Variants in TMPRSS11E observed in about 807,000 individuals in gnomAD.
TMPRSS11E encodes the protein transmembrane protease serine 11E.
In TMPRSS11E, 38 loss-of-function variants were observed where a neutral mutation model predicts 48.1. The ratio of observed to expected loss-of-function variants is 0.79; its 90% CI spans 0.61 to 1.04. TMPRSS11E has a LOEUF of 1.04. Among genes scored for constraint, TMPRSS11E ranks in the 50% least tolerant of loss-of-function variants. The pLI, the probability that TMPRSS11E is intolerant of heterozygous loss-of-function variation, is 0.00. For missense variants in TMPRSS11E, 530 were observed against 510.8 expected, an observed-to-expected ratio of 1.04 and a Z score of -0.36; for synonymous variants, 158 against 171.9, an observed-to-expected ratio of 0.92 and a Z score of 0.63.
chr4:68,485,343 T>A (rs2603169), intron 9 of TMPRSS11E, among the ~76,000 whole-genome samples: 8 of 151,734 alleles, frequency 5.3e-5, no homozygotes, highest in African/African-American at 1.7e-4. Context: ...GATGGGGTTT[T>A]GCCATGTTGG....
intron 1 of TMPRSS11E, among the ~76,000 whole-genome samples, chr4:68,454,355 G>T (rs1211496337): frequency 6.6e-6 from 1 of 151,742 alleles, no homozygotes; most frequent in Admixed American, 6.6e-5. Flanking sequence ...AATTTTTATG[G>T]TATTAATTTG....
intron 1 of TMPRSS11E, among the ~76,000 whole-genome samples, 197 bp from the exon 2 acceptor site, chr4:68,461,624 A>T (rs1379585914): frequency 6.6e-6 from 1 of 152,180 alleles, no homozygotes; most frequent in Non-Finnish European, 1.5e-5. Context: ...CAAGCACAAA[A>T]GTCAAACTAC....
At position 68,456,322 on chromosome 4, in the gene TMPRSS11E, T is replaced by C. The variant is rs554552720; in HGVS notation, c.12-5499T>C. Among the ~76,000 whole-genome samples, 4 of 152,154 alleles carry C rather than the reference T, an allele frequency of 2.6e-5. No homozygotes were observed. In the East Asian group the frequency reaches 5.8e-4, roughly 22 times the overall value. On this transcript the variant is annotated intron_variant, in intron 1 of 9. Transcript: ENST00000305363. ...TAGCCGTAATTATTATGGTAGGGAA[T>C]GCAAACATTGTGATTCAGCCCAAGC...
chr4:68,477,676 T>A (rs774205695), intron 8 of TMPRSS11E, 48 bp downstream of exon 8: 2 of 1,599,564 alleles, frequency 1.3e-6, no homozygotes, highest in African/African-American at 2.7e-5. Context: ...TGGTATTTTA[T>A]GGCATTTAAG....
At chr4:68,457,182 C>T (rs1578132237) in intron 1 of TMPRSS11E, among the ~76,000 whole-genome samples, 1 of 152,188 alleles carries the variant, frequency 6.6e-6, no homozygotes, top group Non-Finnish European at 1.5e-5. Flanking sequence ...TATGCAGAAT[C>T]TACAAAGAAC....
intron 1 of TMPRSS11E, among the ~76,000 whole-genome samples, chr4:68,450,287 T>C (rs1728459520): frequency 6.6e-6 from 1 of 151,946 alleles, no homozygotes. Flanking sequence ...CTATATATTG[T>C]GTATTTTATA....
intron 1 of TMPRSS11E, among the ~76,000 whole-genome samples, chr4:68,452,932 T>C (rs1728538834): frequency 6.6e-6 from 1 of 151,944 alleles, no homozygotes; most frequent in Non-Finnish European, 1.5e-5. Context: ...AATCTCTGAA[T>C]TGGATGGGTC....
At chr4:68,488,620 G>A (rs71598075) in intron 9 of TMPRSS11E, among the ~76,000 whole-genome samples, 3 of 151,988 alleles carry the variant, frequency 2.0e-5, no homozygotes, top group Admixed American at 2.0e-4. Context: ...CTCACTGCAA[G>A]CTCCGCCTCC....
At chr4:68,480,950 C>A (rs1469413827) in intron 9 of TMPRSS11E, among the ~76,000 whole-genome samples, 1 of 152,064 alleles carries the variant, frequency 6.6e-6, no homozygotes, top group Non-Finnish European at 1.5e-5. Context: ...TTCTCATCCT[C>A]CTCCCACCCT....
At chr4:68,472,521 A>G (rs1729102673) in intron 5 of TMPRSS11E, among the ~76,000 whole-genome samples, 1 of 152,046 alleles carries the variant, frequency 6.6e-6, no homozygotes, top group African/African-American at 2.4e-5. Flanking sequence ...GACTAGCCAC[A>G]CTGCAAAAGC....
intron 8 of TMPRSS11E, among the ~76,000 whole-genome samples, chr4:68,478,305 G>A (rs938693361): frequency 7.3e-5 from 11 of 151,248 alleles, no homozygotes; most frequent in African/African-American, 2.2e-4. Context: ...ACAGGTGCCC[G>A]CCTAATTTTT....
intron 9 of TMPRSS11E, among the ~76,000 whole-genome samples, chr4:68,493,554 C>T (rs1188956956): frequency 6.6e-6 from 1 of 151,674 alleles, no homozygotes; most frequent in Non-Finnish European, 1.5e-5. Context: ...GCAACCTCCA[C>T]CTTCTGGATT....
At chr4:68,474,439 C>T (rs557591821) in intron 5 of TMPRSS11E, among the ~76,000 whole-genome samples, 3 of 152,146 alleles carry the variant, frequency 2.0e-5, no homozygotes, top group Admixed American at 1.3e-4. Context: ...AATTCTTGGG[C>T]GTCATTACAA....
At chr4:68,455,107 G>C (rs1728593421) in intron 1 of TMPRSS11E, among the ~76,000 whole-genome samples, 1 of 151,820 alleles carries the variant, frequency 6.6e-6, no homozygotes, top group South Asian at 2.1e-4. Flanking sequence ...TCAAAGTCTG[G>C]CTTTCTCAGG....
intron 8 of TMPRSS11E, among the ~76,000 whole-genome samples, chr4:68,478,375 C>T (rs931850039): frequency 1.1e-4 from 16 of 149,850 alleles, no homozygotes; most frequent in Non-Finnish European, 7.4e-5. Flanking sequence ...AACTCTTGAC[C>T]TCAGGTGATC....
chr4:68,455,509 A>C (rs1728605452), intron 1 of TMPRSS11E, among the ~76,000 whole-genome samples: 1 of 151,908 alleles, frequency 6.6e-6, no homozygotes. Flanking sequence ...TACAGTTTAG[A>C]TCTACTTCCA....
intron 1 of TMPRSS11E, among the ~76,000 whole-genome samples, chr4:68,452,232 A>C (rs186402488): frequency 6.6e-6 from 1 of 152,024 alleles, no homozygotes; most frequent in Admixed American, 6.6e-5. Context: ...ACCGGTGGCT[A>C]CATGACCCAA....
chr4:68,458,319 A>G (rs1321525826), intron 1 of TMPRSS11E, among the ~76,000 whole-genome samples: 2 of 151,400 alleles, frequency 1.3e-5, no homozygotes, highest in Non-Finnish European at 2.9e-5. Context: ...CAGCCTAAGC[A>G]TATTGCTTGT....
At position 68,468,931 on chromosome 4, in the gene TMPRSS11E, A is replaced by T. The variant is rs774394874; in HGVS notation, c.311A>T (p.Gln104Leu). 2.5e-6 allele frequency: 4 copies of T among 1,611,040 alleles called. No homozygotes were observed. Among genetic ancestry groups the T allele is most frequent in the Non-Finnish European group, 3.4e-6 (4 of 1,177,542 alleles). ...SPLREEFVKS[Q>L]VIKFSQQKHG... ...TTAAGGGAAGAATTTGTCAAGTCTC[A>T]GGTTATCAAGTTCAGGTATGTAAAT... Residue 104 changes from glutamine to leucine, a missense_variant, in exon 4 of 10, where the codon CAG becomes CTG. Physicochemically the swap from Gln to Leu is moderately radical, Grantham distance 113. Transcript: ENST00000305363.
Sources: allele counts gnomAD v4.1 joint callset (sites outside exome capture counted in the v4.1 genomes callset), GRCh38; gene constraint gnomAD v4.1.1; transcripts MANE v1.5; gene names NCBI Gene and HGNC (gene_info 2026-07-23, HGNC 2026-07-21).